The following EYA4 variants were observed in gnomAD, a reference collection of about 807,000 sequenced individuals.
EYA4 encodes the protein protein phosphatase EYA4.
A neutral mutation model predicts 87.9 loss-of-function variants in EYA4; 31 were observed. That is an observed-to-expected ratio of 0.35 (90% CI 0.27 to 0.48). EYA4 has a LOEUF of 0.48. Among genes scored for constraint, EYA4 ranks in the 20% least tolerant of loss-of-function variants. The pLI is 0.99. For missense variants in EYA4, 678 were observed against 761.4 expected, an observed-to-expected ratio of 0.89 and a Z score of 1.29; for synonymous variants, 263 against 270.6, an observed-to-expected ratio of 0.97 and a Z score of 0.28.
intron 2 of EYA4, among the ~76,000 whole-genome samples, chr6:133,314,396 A>G (rs1347669408): frequency 2.0e-5 from 3 of 152,182 alleles, no homozygotes; most frequent in Non-Finnish European, 4.4e-5. Context: ...AAATGTGTGG[A>G]AAAATAATGA....
chr6:133,272,221 C>T (rs1281858290), intron 1 of EYA4, among the ~76,000 whole-genome samples: 1 of 152,160 alleles, frequency 6.6e-6, no homozygotes, highest in African/African-American at 2.4e-5. Context: ...TCATGCAGAA[C>T]CATTTGTGAA....
At chr6:133,289,085 C>A (rs1371999821) in intron 2 of EYA4, among the ~76,000 whole-genome samples, 1 of 152,084 alleles carries the variant, frequency 6.6e-6, no homozygotes, top group African/African-American at 2.4e-5. Context: ...AGGAGGCTTG[C>A]TTGTGTTTGA....
At chr6:133,337,882 G>T (rs1366704122) in intron 2 of EYA4, among the ~76,000 whole-genome samples, 1 of 152,174 alleles carries the variant, frequency 6.6e-6, no homozygotes, top group African/African-American at 2.4e-5. Context: ...TGTCAGCACA[G>T]CATGTATTCA....
chr6:133,482,601 T>C (rs983131535), intron 12 of EYA4, among the ~76,000 whole-genome samples: 15 of 152,266 alleles, frequency 9.9e-5, no homozygotes, highest in Admixed American at 3.3e-4. Flanking sequence ...CCAGGATCTA[T>C]ACTTGACAAT....
At chr6:133,285,058 G>A (rs139323077) in intron 2 of EYA4, among the ~76,000 whole-genome samples, 4 of 150,108 alleles carry the variant, frequency 2.7e-5, no homozygotes, top group African/African-American at 9.7e-5. Flanking sequence ...GTGCAGTGGC[G>A]CGAGCTCGGC....
At chr6:133,357,370 G>A (rs1376611247) in intron 2 of EYA4, among the ~76,000 whole-genome samples, 2 of 151,816 alleles carry the variant, frequency 1.3e-5, no homozygotes, top group Admixed American at 6.6e-5. Flanking sequence ...AGAAAAGGGG[G>A]GACCTTTGTA....
intron 3 of EYA4, among the ~76,000 whole-genome samples, chr6:133,404,936 T>A (rs2128522943): frequency 6.6e-6 from 1 of 152,322 alleles, no homozygotes. Flanking sequence ...TTTAAAACTC[T>A]ACCCTGGCAG....
chr6:133,264,854 G>A (rs111227086), intron 1 of EYA4, among the ~76,000 whole-genome samples: 2,524 of 152,202 alleles, frequency 0.017, 29 homozygotes, highest in Middle Eastern at 0.061. Context: ...TCTAGAGAGA[G>A]AGGGTCTCCG....
chr6:133,405,507 C>T (rs1033005398), intron 3 of EYA4, among the ~76,000 whole-genome samples: 1 of 152,142 alleles, frequency 6.6e-6, no homozygotes, highest in African/African-American at 2.4e-5. Flanking sequence ...AAATCATTCT[C>T]GGTATTCTAT....
At chr6:133,383,188 T>G (rs1180280567) in intron 3 of EYA4, among the ~76,000 whole-genome samples, 1 of 152,218 alleles carries the variant, frequency 6.6e-6, no homozygotes, top group Non-Finnish European at 1.5e-5. Flanking sequence ...TCGTTTTATT[T>G]TGTCCTACTT....
intron 1 of EYA4, 23 bp from the exon 2 acceptor site, chr6:133,274,693 T>G: frequency 9.0e-7 from 1 of 1,105,610 alleles, no homozygotes; most frequent in Non-Finnish European, 1.4e-6. Flanking sequence ...TTTTTCCCCT[T>G]TGTTTCCATC....
intron 5 of EYA4, among the ~76,000 whole-genome samples, chr6:133,450,781 G>A (rs1395735232): frequency 6.6e-6 from 1 of 152,220 alleles, no homozygotes; most frequent in Non-Finnish European, 1.5e-5. Context: ...AAAGTGTCGG[G>A]ATTACAGGCG....
chr6:133,354,064 T>C (rs1367602052), intron 2 of EYA4, among the ~76,000 whole-genome samples: 1 of 152,206 alleles, frequency 6.6e-6, no homozygotes, highest in Non-Finnish European at 1.5e-5. Flanking sequence ...TCATAGCACC[T>C]ACAGTGTAGC....
intron 3 of EYA4, among the ~76,000 whole-genome samples, chr6:133,405,109 C>T (rs199615840): frequency 6.6e-6 from 1 of 152,142 alleles, no homozygotes; most frequent in East Asian, 1.9e-4. Flanking sequence ...TCCACTCCTT[C>T]AGGCTCCTGT....
chr6:133,463,962 ATT>A (rs112371864), intron 9 of EYA4, among the ~76,000 whole-genome samples: 1 of 146,342 alleles, frequency 6.8e-6, no homozygotes. Flanking sequence ...GACAGACAGT[ATT>A]TTTTTTTTTT....
At chr6:133,468,192 T>C (rs1185959354) in intron 10 of EYA4, among the ~76,000 whole-genome samples, 6 of 152,108 alleles carry the variant, frequency 3.9e-5, no homozygotes, top group African/African-American at 1.4e-4. Flanking sequence ...TGTTAGAAGA[T>C]GTGTAAGAAC....
At chr6:133,457,056 T>TCA (rs909346529) in intron 6 of EYA4, among the ~76,000 whole-genome samples, 8 of 152,084 alleles carry the variant, frequency 5.3e-5, no homozygotes, top group Non-Finnish European at 1.2e-4. Context: ...TGATTCCTTC[T>TCA]AAATAACCTT....
Position 133,243,654 on chromosome 6 carries a change from C to CTTT in EYA4, c.-66+1918_-66+1920dup, listed in dbSNP as rs200732942. ...GTTTGGTTTTAAGCAGAATCAGTGC[C>CTTT]TTTTTTTTTTTTTTTGTCTTTTAAA... On this transcript the variant is annotated intron_variant, in intron 1 of 19. Transcript: ENST00000355286. 4.4e-3 allele frequency among the ~76,000 whole-genome samples: 592 copies of CTTT among 134,316 alleles called. 10 individuals carry two copies. Among genetic ancestry groups the CTTT allele is most frequent in the African/African-American group, 0.011 (412 of 36,156 alleles). The allele number at this position is 134,316 out of a possible 152,430, so 88.1% of individuals were successfully genotyped here.
chr6:133,325,860 C>T (rs946960507), intron 2 of EYA4, among the ~76,000 whole-genome samples: 5 of 152,174 alleles, frequency 3.3e-5, no homozygotes, highest in African/African-American at 1.2e-4. Context: ...GGCTCAGCTG[C>T]ACAAATAGGA....
Sources: allele counts gnomAD v4.1 joint callset (sites outside exome capture counted in the v4.1 genomes callset), GRCh38; gene constraint gnomAD v4.1.1; transcripts MANE v1.5; gene names NCBI Gene and HGNC (gene_info 2026-07-23, HGNC 2026-07-21).